Variants in ZBBX observed in about 807,000 individuals in gnomAD.
ZBBX encodes zinc finger B-box domain-containing protein 1.
Under a neutral mutation model 108.5 loss-of-function variants are expected in ZBBX, and 101 were observed. The ratio of observed to expected loss-of-function variants is 0.93; its 90% confidence interval spans 0.79 to 1.10. The LOEUF (loss-of-function observed/expected upper bound fraction) is 1.10, where lower values mean the gene tolerates loss of function less well. ZBBX is among the 50% of genes least tolerant of loss of function. The pLI, the probability that ZBBX is intolerant of heterozygous loss-of-function variation, is 0.00. For missense variants in ZBBX, 1,009 were observed against 941.4 expected, an observed-to-expected ratio of 1.07 and a Z score of -0.94; for synonymous variants, 356 against 323.4, an observed-to-expected ratio of 1.10 and a Z score of -1.08.
the ZBBX span, among the ~76,000 whole-genome samples, chr3:167,227,311 T>C: frequency 1.3e-5 from 2 of 151,676 alleles, no homozygotes; most frequent in Non-Finnish European, 3.0e-5. Flanking sequence ...GATACCCCAT[T>C]AGTAAGTCTG....
chr3:167,327,850 G>A (rs1040400221), intron 11 of ZBBX, 92 bp downstream of exon 11: 21 of 1,247,812 alleles, frequency 1.7e-5, no homozygotes, highest in Non-Finnish European at 2.0e-5. Context: ...GAAGGTGGAG[G>A]TTGCAGTAAG....
the ZBBX span, among the ~76,000 whole-genome samples, chr3:167,221,512 T>C: frequency 1.3e-5 from 2 of 151,752 alleles, no homozygotes; most frequent in African/African-American, 4.8e-5. Flanking sequence ...ACTATGAAAA[T>C]CAAATCAAAA....
chr3:167,285,266 G>A (rs1319989728), intron 19 of ZBBX, among the ~76,000 whole-genome samples: 2 of 151,930 alleles, frequency 1.3e-5, no homozygotes, highest in African/African-American at 2.4e-5. Flanking sequence ...AATGATAATC[G>A]TTATTGCTAT....
chr3:167,217,881 T>A, the ZBBX span, among the ~76,000 whole-genome samples: 2 of 143,570 alleles, frequency 1.4e-5, no homozygotes, highest in Non-Finnish European at 3.0e-5. Context: ...AAATGTCGCA[T>A]GTTCTCACTA....
At chr3:167,258,792 C>T (rs1189725433) in intron 20 of ZBBX, among the ~76,000 whole-genome samples, 5 of 152,104 alleles carry the variant, frequency 3.3e-5, no homozygotes, top group African/African-American at 9.7e-5. Context: ...TTGATTATGG[C>T]AAACCATCCC....
chr3:167,404,679 G>A (rs908595813), intron 1 of ZBBX, among the ~76,000 whole-genome samples: 3 of 152,184 alleles, frequency 2.0e-5, no homozygotes, highest in Non-Finnish European at 4.4e-5. Context: ...CAGTTCTATA[G>A]ACACCTGGCT....
Position 167,359,947 on chromosome 3 carries a change from C to T in ZBBX, c.355G>A (p.Ala119Thr). 3.8e-6 allele frequency: 6 copies of T among 1,591,138 alleles called. No homozygotes were observed. The highest frequency in any genetic ancestry group is 1.4e-5 in the African/African-American group (1 of 74,048). Residue 119 changes from alanine (A) to threonine (T), a missense_variant, in exon 8 of 22, where the codon GCA becomes ACA. Ala to Thr is a moderately conservative substitution (Grantham distance 58, BLOSUM62 0). Transcript: ENST00000675490. ...PVKPTVNYKM[A>T]NSSECEKPKI... Reference sequence around the variant, plus strand: ...GGTTTTTCACATTCTGAAGAATTTGCCATTTTATAATTAACTGTTGGTTTC... The same window carrying T: ...GGTTTTTCACATTCTGAAGAATTTGTCATTTTATAATTAACTGTTGGTTTC...
intron 20 of ZBBX, among the ~76,000 whole-genome samples, chr3:167,251,243 C>G (rs934116140): frequency 2.0e-5 from 3 of 152,190 alleles, no homozygotes; most frequent in Non-Finnish European, 2.9e-5. Context: ...TCTCCAAGAC[C>G]ACGTGTGATC....
intron 8 of ZBBX, 94 bp downstream of exon 8, chr3:167,359,776 G>T: frequency 2.0e-6 from 1 of 501,332 alleles, no homozygotes. Context: ...AAGTTAAGTT[G>T]GGAGAGGTGT....
chr3:167,354,533 T>C (rs971447145), intron 8 of ZBBX, among the ~76,000 whole-genome samples: 24 of 151,894 alleles, frequency 1.6e-4, no homozygotes, highest in African/African-American at 5.8e-4. Flanking sequence ...ACTAGTCCCC[T>C]CTTTCCATTC....
rs756963519 is a variant in ZBBX at position 167,282,448 on chromosome 3, A to C, written c.2044T>G (p.Ser682Ala). 1 of 1,613,776 alleles carries C rather than the reference A, an allele frequency of 6.2e-7. No individual in the cohort carries two copies. The highest frequency in any genetic ancestry group is 8.5e-7 in the Non-Finnish European group (1 of 1,179,814). The part of the protein sequence containing the change: ...PSTANFPLSN[S>A]VKESSSCLSS... ...AGGCAACTGGAGCTTTCTTTAACAGAGTTGGAAAGTGGAAAATTTGCTGTT... is the reference window on the plus strand; with the variant it reads ...AGGCAACTGGAGCTTTCTTTAACAGCGTTGGAAAGTGGAAAATTTGCTGTT... Residue 682 changes from serine (S) to alanine (A), a missense_variant, in exon 20 of 22, where the codon TCT (serine) becomes GCT (alanine). Ser to Ala is a moderately conservative substitution (Grantham distance 99). Coordinates refer to ENST00000675490, the MANE Select transcript of ZBBX (RefSeq NM_001199201.2).
intron 18 of ZBBX, among the ~76,000 whole-genome samples, chr3:167,293,293 A>C (rs1731043215): frequency 6.6e-6 from 1 of 152,202 alleles, no homozygotes; most frequent in Non-Finnish European, 1.5e-5. Flanking sequence ...TCTATGCGAA[A>C]ATCCTCAATA....
intron 20 of ZBBX, among the ~76,000 whole-genome samples, chr3:167,253,578 T>C (rs1722977520): frequency 6.6e-6 from 1 of 152,116 alleles, no homozygotes. Flanking sequence ...CTCCTCCCCA[T>C]GCCTTGGAGC....
At chr3:167,297,795 A>G (rs1731927813) in intron 18 of ZBBX, among the ~76,000 whole-genome samples, 1 of 152,016 alleles carries the variant, frequency 6.6e-6, no homozygotes, top group African/African-American at 2.4e-5. Flanking sequence ...GCTTAACATT[A>G]TTAATCATTA....
chr3:167,264,905 G>T (rs1725208873), intron 20 of ZBBX, among the ~76,000 whole-genome samples: 1 of 152,190 alleles, frequency 6.6e-6, no homozygotes, highest in South Asian at 2.1e-4. Context: ...TTTGCCTAAA[G>T]CCCACGGGCT....
intron 1 of ZBBX, among the ~76,000 whole-genome samples, chr3:167,390,345 C>T (rs1306294182): frequency 6.6e-6 from 1 of 152,072 alleles, no homozygotes; most frequent in African/African-American, 2.4e-5. Context: ...GTACCAGTGC[C>T]ATGCTGTTTT....
intron 20 of ZBBX, among the ~76,000 whole-genome samples, chr3:167,268,547 G>A (rs1460063673): frequency 6.6e-6 from 1 of 151,872 alleles, no homozygotes; most frequent in Non-Finnish European, 1.5e-5. Flanking sequence ...CCTCTCTAAA[G>A]CACTTGATAT....
chr3:167,407,480 G>A (rs889789613), intron 1 of ZBBX, among the ~76,000 whole-genome samples: 5 of 151,862 alleles, frequency 3.3e-5, no homozygotes, highest in Non-Finnish European at 5.9e-5. Context: ...AAAAATTTTC[G>A]TATAATTTTT....
rs201057795 is a variant in ZBBX, at chr3:167,278,991, G to C, written c.2254+3247C>G. ...AATCCAGCATATAAACAGAACCAAA[G>C]ACAAAAACCACATGATTATCTCAAT... On this transcript the variant is annotated intron_variant, in intron 20 of 21. Coordinates refer to ENST00000675490, the MANE Select transcript of ZBBX (RefSeq NM_001199201.2). Among the ~76,000 whole-genome samples the C allele has an allele frequency of 5.1e-4, 77 of 152,176 alleles. No individual in the cohort carries two copies. The East Asian group carries it at 0.014, about 28-fold the overall frequency.
Sources: gnomAD v4.1 joint callset for allele counts (sites outside exome capture counted in the v4.1 genomes callset) on GRCh38, gnomAD v4.1.1 for gene constraint, MANE v1.5 for transcripts, NCBI Gene and HGNC (gene_info 2026-07-23, HGNC 2026-07-21) for gene names.